The following SWAP70 variants were observed in gnomAD, a reference collection of about 807,000 sequenced individuals.
SWAP70 encodes the protein switch-associated protein 70.
Under a neutral mutation model 80.2 loss-of-function variants are expected in SWAP70, and 34 were observed. The ratio of observed to expected loss-of-function variants is 0.42; its 90% CI spans 0.32 to 0.56. SWAP70 has a LOEUF of 0.56. Ranked by LOEUF, SWAP70 falls within the 20% of genes least tolerant of loss-of-function variation. The pLI is 0.09. For synonymous variants in SWAP70, 239 were observed against 238.5 expected (o/e 1.00, Z -0.02); for missense variants, 578 against 690.7 (o/e 0.84, Z 1.83).
chr11:9,688,344 G>A (rs1850657049), intron 1 of SWAP70, among the ~76,000 whole-genome samples: 1 of 152,174 alleles, frequency 6.6e-6, no homozygotes, highest in Admixed American at 6.6e-5. Context: ...TACTGCTTGG[G>A]AAACAGAGTG....
At chr11:9,713,428 G>T in intron 2 of SWAP70, 38 bp from the exon 3 acceptor site, 1 of 1,585,148 alleles carries the variant, frequency 6.3e-7, no homozygotes, top group South Asian at 1.2e-5. Flanking sequence ...TGCTTATATC[G>T]GACTGATTTG....
intron 7 of SWAP70, among the ~76,000 whole-genome samples, chr11:9,737,851 G>A (rs1277802036): frequency 6.6e-6 from 1 of 152,178 alleles, no homozygotes; most frequent in African/African-American, 2.4e-5. Flanking sequence ...AGCCGAGATC[G>A]TGCCACTGCA....
chr11:9,742,761 T>C (rs1851457105), intron 9 of SWAP70, among the ~76,000 whole-genome samples: 1 of 152,156 alleles, frequency 6.6e-6, no homozygotes, highest in Non-Finnish European at 1.5e-5. Flanking sequence ...GATAGGCCTT[T>C]CTGGATAGAA....
intron 4 of SWAP70, among the ~76,000 whole-genome samples, chr11:9,725,551 ATATATATATATATATATAT>A (rs1446343277): frequency 2.9e-4 from 16 of 55,226 alleles, no homozygotes; most frequent in African/African-American, 1.1e-3. Flanking sequence ...ATATATATAT[ATATATATATATATATATAT>A]TTTTTTTTTT....
At chr11:9,733,255 C>T (rs1205591739) in intron 7 of SWAP70, among the ~76,000 whole-genome samples, 4 of 152,134 alleles carry the variant, frequency 2.6e-5, no homozygotes, top group African/African-American at 9.7e-5. Flanking sequence ...TCGGTTATGT[C>T]GTGATCCCAG....
rs186860860 is a variant in SWAP70, at chr11:9,672,743, T to C, written c.99+8465T>C. ...AAATGTGCTTGAGTCATTGCTATAA[T>C]TAGTAAATATTGGCCTTGAGGGCCC... On this transcript the variant is annotated intron_variant, in intron 1 of 11. Coordinates refer to ENST00000318950, the MANE Select transcript of SWAP70 (RefSeq NM_015055.4). Among the ~76,000 whole-genome samples, 200 of 152,098 alleles carry C rather than the reference T, an allele frequency of 1.3e-3. 1 individual carries two copies. The highest frequency in any genetic ancestry group is 4.7e-3 in the African/African-American group (193 of 41,502).
At chr11:9,670,777 G>A (rs969063916) in intron 1 of SWAP70, among the ~76,000 whole-genome samples, 17 of 151,430 alleles carry the variant, frequency 1.1e-4, no homozygotes, top group Admixed American at 3.3e-4. Context: ...TTTCTGAGGC[G>A]GAGTCTTGCT....
At chr11:9,717,905 A>G (rs973458356) in intron 3 of SWAP70, among the ~76,000 whole-genome samples, 1 of 152,196 alleles carries the variant, frequency 6.6e-6, no homozygotes, top group East Asian at 1.9e-4. Flanking sequence ...TGACATGTCA[A>G]TGGCATTAAA....
intron 2 of SWAP70, among the ~76,000 whole-genome samples, chr11:9,709,600 A>T (rs533289498): frequency 6.6e-6 from 1 of 152,056 alleles, no homozygotes; most frequent in South Asian, 2.1e-4. Context: ...TCTCCCACCA[A>T]CTTCAGCCTC....
At position 9,717,569 on chromosome 11, in the gene SWAP70, G is replaced by A. The variant is rs1251692194; in HGVS notation, c.414+3930G>A. ...AGGATGGCTTGAGTCTGAAAGGGTG[G>A]TTTGAGCCTGGGAGGTGGAGCTTGC... On this transcript the variant is annotated intron_variant, in intron 3 of 11. Transcript: ENST00000318950. 2.0e-5 allele frequency among the ~76,000 whole-genome samples: 3 copies of A among 151,004 alleles called. No individual in the cohort carries two copies. The East Asian group carries it at 5.9e-4, about 29-fold the overall frequency.
chr11:9,672,199 A>ATATATATATATATATG (rs1565110238), intron 1 of SWAP70, among the ~76,000 whole-genome samples: 2 of 80,750 alleles, frequency 2.5e-5, no homozygotes, highest in Non-Finnish European at 6.0e-5. Context: ...GTGTGTCTAT[A>ATATATATATATATATG]TATATATATA....
chr11:9,666,724 A>ATT (rs58246147), intron 1 of SWAP70, among the ~76,000 whole-genome samples: 1 of 106,242 alleles, frequency 9.4e-6, no homozygotes, highest in Admixed American at 1.0e-4. Context: ...TGACCTCTTA[A>ATT]TTTTTTTTTT....
intron 1 of SWAP70, among the ~76,000 whole-genome samples, chr11:9,665,247 A>C (rs1211750379): frequency 6.6e-6 from 1 of 152,222 alleles, no homozygotes; most frequent in Non-Finnish European, 1.5e-5. Context: ...ATTTTTGTAC[A>C]GTAATCCCGT....
chr11:9,732,899 T>C (rs767017722), intron 7 of SWAP70, among the ~76,000 whole-genome samples, 189 bp downstream of exon 7: 1 of 152,196 alleles, frequency 6.6e-6, no homozygotes, highest in Non-Finnish European at 1.5e-5. Context: ...GCCCTGAAAC[T>C]ATGTTGATCT....
chr11:9,728,330 T>G (rs1851253093), intron 5 of SWAP70, 131 bp downstream of exon 5: 1 of 1,056,546 alleles, frequency 9.5e-7, no homozygotes, highest in East Asian at 2.9e-5. Context: ...CAAAATAATA[T>G]AGGCATGCAG....
At chr11:9,731,810 A>G (rs1199907844) in intron 6 of SWAP70, among the ~76,000 whole-genome samples, 1 of 152,120 alleles carries the variant, frequency 6.6e-6, no homozygotes, top group Non-Finnish European at 1.5e-5. Flanking sequence ...GCTAGTGGGG[A>G]GGGGAATCTA....
At chr11:9,718,326 G>A (rs888733768) in intron 3 of SWAP70, among the ~76,000 whole-genome samples, 2 of 152,212 alleles carry the variant, frequency 1.3e-5, no homozygotes, top group Non-Finnish European at 2.9e-5. Context: ...AGGAGTGCTT[G>A]TGTGGGGAAA....
chr11:9,749,238 T>C, intron 11 of SWAP70, 55 bp downstream of exon 11: 1 of 992,722 alleles, frequency 1.0e-6, no homozygotes, highest in Non-Finnish European at 1.3e-6. Context: ...ATTTTTATTT[T>C]ATTTAATTAA....
chr11:9,740,491 A>G (rs1851422406), intron 9 of SWAP70, 144 bp downstream of exon 9: 1 of 806,344 alleles, frequency 1.2e-6, no homozygotes, highest in Non-Finnish European at 2.1e-6. Context: ...CAGATTAGAA[A>G]GACTGTGGAG....
Sources: gnomAD v4.1 joint callset for allele counts (sites outside exome capture counted in the v4.1 genomes callset) on GRCh38, gnomAD v4.1.1 for gene constraint, MANE v1.5 for transcripts, NCBI Gene and HGNC (gene_info 2026-07-23, HGNC 2026-07-21) for gene names.